ZNF33B: variants seen among roughly 807,000 people sequenced by gnomAD.
The protein encoded by ZNF33B is zinc finger protein 11b (KOX 2).
In ZNF33B, 29 loss-of-function variants were observed where a neutral mutation model predicts 45.8. The ratio of observed to expected loss-of-function variants is 0.63; its 90% CI spans 0.47 to 0.86. The LOEUF is 0.86. Ranked by LOEUF, ZNF33B falls within the 40% of genes least tolerant of loss-of-function variation. The probability of loss-of-function intolerance (pLI) is 0.00; values close to 1 mark genes in which losing one functional copy is unlikely to be tolerated. For missense variants in ZNF33B, 831 were observed against 909.9 expected (o/e 0.91, Z 1.12); for synonymous variants, 305 against 307.8 (o/e 0.99, Z 0.10).
downstream of ZNF33B, among the ~76,000 whole-genome samples, chr10:42,587,853 C>A (rs371456333): frequency 3.2e-4 from 49 of 152,314 alleles, 1 homozygote; most frequent in African/African-American, 1.2e-3. Context: ...GCATGTGCAT[C>A]TTGACATTCT....
rs1010649170 is a variant in ZNF33B, at chr10:42,591,584, C to T, written c.*1029G>A. ...AATTAGGATACCTACTTCCTATTCA[C>T]AATTACGTTAAATACCATTATGCAT... is the stretch of plus-strand genomic sequence containing the variant. On this transcript the variant is annotated 3_prime_UTR_variant, in exon 5 of 5. Coordinates refer to ENST00000359467, the MANE Select transcript of ZNF33B (RefSeq NM_006955.3). The T allele has an allele frequency of 1.5e-5, 8 of 532,654 alleles. No individual in the cohort carries two copies. The highest frequency in any genetic ancestry group is 4.1e-5 in the African/African-American group (2 of 48,754). The allele number at this position is 532,654 out of a possible 1,614,324, so 33.0% of individuals were successfully genotyped here.
At chr10:42,604,876 G>C (rs1837772452) in intron 4 of ZNF33B, among the ~76,000 whole-genome samples, 1 of 151,580 alleles carries the variant, frequency 6.6e-6, no homozygotes. Flanking sequence ...AGATGAGATA[G>C]TGCCACTGCA....
chr10:42,638,544 C>A lies in ZNF33B; in HGVS notation c.-115G>T. 2.1e-6 allele frequency: 1 copy of A among 480,048 alleles called. No homozygotes were observed. The highest frequency in any genetic ancestry group is 2.0e-5 in the African/African-American group (1 of 50,898). The allele number at this position is 480,048 out of a possible 1,614,324, so 29.7% of individuals were successfully genotyped here. A position where few individuals can be genotyped will look rare whatever the true frequency, so the allele number is the denominator to read the frequency against. On this transcript the variant is annotated 5_prime_UTR_variant, in exon 1 of 5. Coordinates refer to ENST00000359467, the MANE Select transcript of ZNF33B (RefSeq NM_006955.3). ...CCCCTGAAATCCCGGGACCGCCTCC[C>A]ACGCAAAACGTGAGACAAACAAAAG...
At chr10:42,620,107 T>C (rs1808431403) in intron 4 of ZNF33B, among the ~76,000 whole-genome samples, 2 of 151,526 alleles carry the variant, frequency 1.3e-5, no homozygotes, top group Admixed American at 1.3e-4. Flanking sequence ...TCCCAGCTAC[T>C]TGGGAGGCTG....
At chr10:42,587,983 T>C (rs376977915), downstream of ZNF33B, among the ~76,000 whole-genome samples, 35 of 152,272 alleles carry the variant, frequency 2.3e-4, 1 homozygote, top group African/African-American at 8.4e-4. Context: ...CTCTCAGTTG[T>C]CTCCTGCCTT....
At chr10:42,577,189 G>A (rs2132010911) in intron 1 of ZNF33B, among the ~76,000 whole-genome samples, 1 of 150,978 alleles carries the variant, frequency 6.6e-6, no homozygotes, top group East Asian at 1.9e-4. Flanking sequence ...GGCTAGAGAG[G>A]ACAGCTGAGA....
intron 4 of ZNF33B, among the ~76,000 whole-genome samples, chr10:42,615,604 G>A (rs1276650703): frequency 6.6e-6 from 1 of 152,122 alleles, no homozygotes; most frequent in Non-Finnish European, 1.5e-5. Context: ...TATTGGCTTT[G>A]TTTCAGGGAT....
intron 4 of ZNF33B, chr10:42,614,200 C>T (rs1818518293): frequency 6.5e-6 from 1 of 154,880 alleles, no homozygotes; most frequent in Admixed American, 6.5e-5. Context: ...ACTACTGTGG[C>T]CTTTTTCCCC....
At chr10:42,614,835 T>G (rs920553797) in intron 4 of ZNF33B, among the ~76,000 whole-genome samples, 1 of 151,904 alleles carries the variant, frequency 6.6e-6, no homozygotes, top group Admixed American at 6.6e-5. Flanking sequence ...GCACCTGTAA[T>G]CCCAGCTACT....
Position 42,607,762 on chromosome 10 carries a change from C to A in ZNF33B, c.251-13063G>T, listed in dbSNP as rs117580817. Among the ~76,000 whole-genome samples, 621 of 152,144 alleles carry A rather than the reference C, an allele frequency of 4.1e-3. 2 individuals carry two copies. Among genetic ancestry groups the A allele is most frequent in the Middle Eastern group, 0.027 (8 of 294 alleles). On this transcript the variant is annotated intron_variant, in intron 4 of 4. Coordinates refer to ENST00000359467, the MANE Select transcript of ZNF33B (RefSeq NM_006955.3). Reference sequence around the variant, plus strand: ...AGTCAGAAAAAATAGTTAAGTTGAACCTTTGTAAATCCTGAAAATACAAAG... The same window carrying A: ...AGTCAGAAAAAATAGTTAAGTTGAAACTTTGTAAATCCTGAAAATACAAAG...
chr10:42,611,409 T>G (rs746131238), intron 4 of ZNF33B, among the ~76,000 whole-genome samples: 1 of 152,050 alleles, frequency 6.6e-6, no homozygotes, highest in Admixed American at 6.6e-5. Flanking sequence ...AATATTTGTA[T>G]GAAAAACAAC....
chr10:42,593,075 A>G lies in ZNF33B; in HGVS notation c.1875T>C (p.Thr625=), dbSNP rs779018419. The change falls in exon 5 of 5, where the codon ACT becomes ACC. Residue 625 remains threonine, a synonymous_variant. Coordinates refer to ENST00000359467, the MANE Select transcript of ZNF33B (RefSeq NM_006955.3). The part of the protein sequence containing the change: ...GKTFCQKSQL[T]QHQRIHIGEK... ...CCCCTATGTGAATTCTCTGATGCTG[A>G]GTGAGTTGTGACTTCTGGCAGAAGG... The G allele has an allele frequency of 1.9e-6, 3 of 1,613,604 alleles. No individual in the cohort carries two copies. In the East Asian group the frequency reaches 6.7e-5, roughly 36 times the overall value.
At chr10:42,614,942 G>A (rs546915772) in intron 4 of ZNF33B, among the ~76,000 whole-genome samples, 37 of 150,972 alleles carry the variant, frequency 2.5e-4, no homozygotes, top group African/African-American at 9.0e-4. Context: ...AACAGAGCGA[G>A]ATTCCATCTC....
intron 1 of ZNF33B, chr10:42,583,313 T>C (rs762436036): frequency 4.5e-6 from 2 of 440,436 alleles, no homozygotes; most frequent in Non-Finnish European, 8.5e-6. Flanking sequence ...GAGGAACCGA[T>C]TCCCTGGAAC....
chr10:42,626,760 C>A (rs1271154309), intron 4 of ZNF33B, among the ~76,000 whole-genome samples: 6 of 151,722 alleles, frequency 4.0e-5, no homozygotes, highest in Admixed American at 3.3e-4. Flanking sequence ...TTTTTGAGGA[C>A]ATTGTGTAAA....
At chr10:42,594,937 A>T (rs954966593) in intron 4 of ZNF33B, among the ~76,000 whole-genome samples, 3 of 152,216 alleles carry the variant, frequency 2.0e-5, no homozygotes, top group Non-Finnish European at 4.4e-5. Flanking sequence ...GAAATTAACT[A>T]TCTGAATGCA....
intron 1 of ZNF33B, among the ~76,000 whole-genome samples, chr10:42,584,016 G>A (rs115824931): frequency 0.017 from 2,559 of 152,232 alleles, 77 homozygotes; most frequent in African/African-American, 0.059. Flanking sequence ...GCAGCTCTGC[G>A]CACAGGCCTC....
intron 3 of ZNF33B, 56 bp downstream of exon 3, chr10:42,632,239 T>C: frequency 6.4e-7 from 1 of 1,572,586 alleles, no homozygotes; most frequent in Non-Finnish European, 8.6e-7. Context: ...TGCCTATATG[T>C]TTTATAATCA....
chr10:42,615,519 CCA>C (rs1838276391), intron 4 of ZNF33B, among the ~76,000 whole-genome samples: 2 of 152,140 alleles, frequency 1.3e-5, no homozygotes, highest in Non-Finnish European at 2.9e-5. Flanking sequence ...TTAGGCAAAT[CCA>C]CACAGACAGA....
Sources: allele counts gnomAD v4.1 joint callset (sites outside exome capture counted in the v4.1 genomes callset), GRCh38; gene constraint gnomAD v4.1.1; transcripts MANE v1.5; gene names NCBI Gene and HGNC (gene_info 2026-07-23, HGNC 2026-07-21).